The following RND3 variants were observed in gnomAD, a reference collection of about 807,000 sequenced individuals.
The protein encoded by RND3 is rho-related GTP-binding protein RhoE.
In RND3, 8 loss-of-function variants were observed where a neutral mutation model predicts 26.5. That is an observed-to-expected ratio of 0.30 (90% CI 0.18 to 0.54). The LOEUF (loss-of-function observed/expected upper bound fraction) is 0.54. RND3 is among the 20% of genes least tolerant of loss of function. The pLI is 0.94. For missense variants in RND3, 207 were observed against 302.8 expected, an observed-to-expected ratio of 0.68 and a Z score of 2.35; for synonymous variants, 113 against 113.0, an observed-to-expected ratio of 1.00 and a Z score of 0.00.
At chr2:150,487,186 G>T in intron 2 of RND3, 82 bp downstream of exon 2, 4 of 921,252 alleles carry the variant, frequency 4.3e-6, no homozygotes, top group Middle Eastern at 2.6e-4. Flanking sequence ...AAGGGAAAAC[G>T]GATGAAAGCG....
chr2:150,474,254 C>T (rs149687971), intron 4 of RND3, among the ~76,000 whole-genome samples: 75 of 152,244 alleles, frequency 4.9e-4, no homozygotes, highest in African/African-American at 1.3e-3. Flanking sequence ...TAGGTTCCTA[C>T]GGAACCTGAC....
intron 3 of RND3, among the ~76,000 whole-genome samples, chr2:150,479,411 A>G (rs1686233752): frequency 3.9e-5 from 6 of 152,210 alleles, no homozygotes; most frequent in Admixed American, 3.9e-4. Flanking sequence ...AAACACTGTG[A>G]GGCTTTAGAG....
rs958699315 is a variant in RND3, at chr2:150,487,598, T to G, written c.-88A>C. 2 of 168,116 alleles carry G rather than the reference T, an allele frequency of 1.2e-5. No homozygotes were observed. Among genetic ancestry groups the G allele is most frequent in the Non-Finnish European group, 2.5e-5 (2 of 80,260 alleles). 10.4% of individuals were successfully genotyped at this position (168,116 alleles called of 1,614,324 possible). A position where few individuals can be genotyped will look rare whatever the true frequency, so the allele number is the denominator to read the frequency against. On this transcript the variant is annotated 5_prime_UTR_variant, in exon 1 of 6. Transcript: ENST00000263895. ...AGGAGAGCGAGAGGAGCAGGCTGGT[T>G]ACTCCCCTCCAACAAGTTTTAAGCC...
At chr2:150,479,905 C>G (rs949595175) in intron 3 of RND3, among the ~76,000 whole-genome samples, 4 of 152,090 alleles carry the variant, frequency 2.6e-5, no homozygotes, top group African/African-American at 9.7e-5. Context: ...GAACTATGAA[C>G]AGATCTTATA....
At chr2:150,485,223 A>G (rs1356033261) in intron 3 of RND3, 1 of 152,248 alleles carries the variant, frequency 6.6e-6, no homozygotes, top group Non-Finnish European at 1.5e-5. Context: ...TTCTCACTGC[A>G]GCAGTCGGAG....
intron 3 of RND3, among the ~76,000 whole-genome samples, chr2:150,482,388 A>G (rs1262824479): frequency 6.6e-6 from 1 of 152,186 alleles, no homozygotes; most frequent in Non-Finnish European, 1.5e-5. Flanking sequence ...AATGTGGCCA[A>G]TTTTGAAGCA....
At chr2:150,479,807 G>A (rs577195510) in intron 3 of RND3, among the ~76,000 whole-genome samples, 41 of 152,282 alleles carry the variant, frequency 2.7e-4, no homozygotes, top group African/African-American at 9.9e-4. Flanking sequence ...GTTTCAAGTA[G>A]TCTGCACAAC....
At chr2:150,477,506 C>G (rs192674187) in intron 3 of RND3, among the ~76,000 whole-genome samples, 38 of 152,300 alleles carry the variant, frequency 2.5e-4, no homozygotes, top group Admixed American at 4.6e-4. Context: ...ACCCCTCCCC[C>G]CTTTGTGGAC....
In RND3 at chr2:150,486,927, T is replaced by G. The variant is rs570750864; in HGVS notation, c.151-146A>C. On this transcript the variant is annotated intron_variant, in intron 2 of 5. Coordinates refer to ENST00000263895, the MANE Select transcript of RND3 (RefSeq NM_005168.5). This position sits in a 1 kb window ranked among gnomAD's most constrained non-coding sequence, Gnocchi z 4.5. ...CACATCAGACCACACACTAAGCACA[T>G]GGACCCTTTCCGAAACCCCTGTCCT... 2.9e-6 allele frequency: 2 copies of G among 697,574 alleles called. No homozygotes were observed. The highest frequency in any genetic ancestry group is 5.2e-6 in the Non-Finnish European group (2 of 385,660). The allele number at this position is 697,574 out of a possible 1,614,324, so 43.2% of individuals were successfully genotyped here. A position where few individuals can be genotyped will look rare whatever the true frequency, so the allele number is the denominator to read the frequency against.
rs745467973 is a variant in RND3 at position 150,470,102 on chromosome 2, C to T, written c.620G>A (p.Arg207Gln). 3.7e-6 allele frequency: 6 copies of T among 1,613,820 alleles called. No homozygotes were observed. The highest frequency in any genetic ancestry group is 2.2e-5 in the East Asian group (1 of 44,872). The change falls in exon 6 of 6, where the codon CGG becomes CAG. Residue 207 changes from arginine to glutamine, a missense_variant. By Grantham distance (43) the Arg-to-Gln change is conservative. Transcript: ENST00000263895. Reference protein sequence around the residue: ...CVNKTNKNVKRNKSQRATKRI... With the variant: ...CVNKTNKNVKQNKSQRATKRI... ...CTTTGTGGCTCTCTGTGATTTGTTC[C>T]GCTTAACGTTTTTATTTGTCTTATT...
intron 1 of RND3, 30 bp from the exon 2 acceptor site, chr2:150,487,485 A>G (rs890087491): frequency 2.8e-6 from 1 of 357,072 alleles, no homozygotes; most frequent in African/African-American, 2.2e-5. Context: ...ATATATATAT[A>G]TATATATATT....
chr2:150,473,329 A>C (rs1324030081), intron 4 of RND3, among the ~76,000 whole-genome samples: 1 of 152,178 alleles, frequency 6.6e-6, no homozygotes, highest in African/African-American at 2.4e-5. Context: ...ATTTGGTCTT[A>C]GAAGACAAAA....
intron 4 of RND3, chr2:150,471,973 T>C (rs1447562683): frequency 2.0e-6 from 1 of 508,160 alleles, no homozygotes; most frequent in African/African-American, 1.9e-5. Context: ...TAATTATGTA[T>C]ATTATGATTG....
rs1573958302 is a variant in RND3 at position 150,486,362 on chromosome 2, A to G, written c.238+332T>C. Among the ~76,000 whole-genome samples the G allele has an allele frequency of 6.6e-6, 1 of 152,136 alleles. No homozygotes were observed. The highest frequency in any genetic ancestry group is 1.9e-4 in the East Asian group (1 of 5,160). On this transcript the variant is annotated intron_variant, in intron 3 of 5. Coordinates refer to ENST00000263895, the MANE Select transcript of RND3 (RefSeq NM_005168.5). This position sits in a 1 kb window ranked among gnomAD's most constrained non-coding sequence, Gnocchi z 4.5. ...TTCCGCCGAGGCGCACGCAGCGCCC[A>G]TGCAACACCCCACAGTATCGGGCCA...
rs2105215026 is a variant in RND3 at position 150,469,707 on chromosome 2, C to T, written c.*280G>A. On this transcript the variant is annotated 3_prime_UTR_variant, in exon 6 of 6. Transcript: ENST00000263895. ...TGTGATTTTTCTTCTTGGAGGTACTCGCATCCCCCCTCATCTTCCTCTAGC... is the reference window on the plus strand; with the variant it reads ...TGTGATTTTTCTTCTTGGAGGTACTTGCATCCCCCCTCATCTTCCTCTAGC... The T allele has an allele frequency of 2.7e-6, 1 of 366,426 alleles. No homozygotes were observed. The highest frequency in any genetic ancestry group is 4.6e-5 in the East Asian group (1 of 21,646). 22.7% of individuals were successfully genotyped at this position (366,426 alleles called of 1,614,324 possible). A position where few individuals can be genotyped will look rare whatever the true frequency, so the allele number is the denominator to read the frequency against.
At position 150,471,861 on chromosome 2, in the gene RND3, A is replaced by G. The variant is rs150247069; in HGVS notation, c.349-100T>C. 1.9e-3 allele frequency: 1,876 copies of G among 985,122 alleles called. 21 individuals carry two copies. In the African/African-American group the frequency reaches 0.028, roughly 15 times the overall value. 61.0% of individuals were successfully genotyped at this position (985,122 alleles called of 1,614,324 possible). On this transcript the variant is annotated intron_variant, in intron 4 of 5. Transcript: ENST00000263895. ...TGGCTGACATTAGAATGAAACTCAG[A>G]AAAGATGTTAAAAATGGAGTGTCCC...
chr2:150,473,238 C>T (rs1333158847), intron 4 of RND3, among the ~76,000 whole-genome samples: 2 of 152,002 alleles, frequency 1.3e-5, no homozygotes, highest in South Asian at 2.1e-4. Context: ...CAAGACAAAC[C>T]GCAGGGGTTA....
At position 150,469,751 on chromosome 2, in the gene RND3, T is replaced by G; in HGVS notation, c.*236A>C. ...CTCTAGCTCATTTGTATCTCTCATT[T>G]TTTGGCATATTTTTCAAGTCACACT... On this transcript the variant is annotated 3_prime_UTR_variant, in exon 6 of 6. Transcript: ENST00000263895. The G allele has an allele frequency of 4.0e-6, 2 of 505,264 alleles. No individual in the cohort carries two copies. The highest frequency in any genetic ancestry group is 7.0e-6 in the Non-Finnish European group (2 of 286,976). The allele number at this position is 505,264 out of a possible 1,614,324, so 31.3% of individuals were successfully genotyped here. A position where few individuals can be genotyped will look rare whatever the true frequency, so the allele number is the denominator to read the frequency against.
Position 150,471,774 on chromosome 2 carries a change from A to G in RND3, c.349-13T>C. On this transcript the variant is annotated splice_polypyrimidine_tract_variant and intron_variant, in intron 4 of 5. Coordinates refer to ENST00000263895, the MANE Select transcript of RND3 (RefSeq NM_005168.5). ...TTTCACCTTTCCACTATGAAAGAAA[A>G]AAAAAAAAGATTAAAAATGAACAAA... 6.3e-7 allele frequency: 1 copy of G among 1,593,126 alleles called. No individual in the cohort carries two copies. Among genetic ancestry groups the G allele is most frequent in the South Asian group, 1.1e-5 (1 of 88,360 alleles).
Sources: gnomAD v4.1 joint callset for allele counts (sites outside exome capture counted in the v4.1 genomes callset) on GRCh38, gnomAD v4.1.1 for gene constraint, Gnocchi (gnomAD v3.1) non-coding constraint, MANE v1.5 for transcripts, NCBI Gene and HGNC (gene_info 2026-07-23, HGNC 2026-07-21) for gene names.